Variants in AHCYL2 observed in about 807,000 individuals in gnomAD.
The protein encoded by AHCYL2 is adenosylhomocysteinase like 2, also known as S-adenosylhomocysteine hydrolase-like protein 2.
In AHCYL2, 28 loss-of-function variants were observed where a neutral mutation model predicts 81.4. That is an observed-to-expected ratio of 0.34 (90% CI 0.25 to 0.47). AHCYL2 has a LOEUF of 0.47. Ranked by LOEUF, AHCYL2 falls within the 20% of genes least tolerant of loss-of-function variation. AHCYL2 has a pLI of 1.00. For synonymous variants in AHCYL2, 272 were observed against 290.2 expected, an observed-to-expected ratio of 0.94 and a Z score of 0.64; for missense variants, 551 against 785.1, an observed-to-expected ratio of 0.70 and a Z score of 3.56.
intron 1 of AHCYL2, among the ~76,000 whole-genome samples, chr7:129,225,668 G>GTAGC (rs1794186709): frequency 6.6e-6 from 1 of 152,150 alleles, no homozygotes; most frequent in African/African-American, 2.4e-5. Flanking sequence ...TAACATGGAG[G>GTAGC]TAGCGCTCTC....
rs371388290 is a variant in AHCYL2 at position 129,401,411 on chromosome 7, G to A, written c.918+1027G>A. 2.6e-5 allele frequency among the ~76,000 whole-genome samples: 4 copies of A among 151,764 alleles called. No individual in the cohort carries two copies. In the East Asian group the frequency reaches 5.8e-4, roughly 22 times the overall value. ...CAAATAATTCTGCCCTCTCCCCTAGGGGGAGGGGGCAGAAATTAGGGAATG... is the reference window on the plus strand; with the variant it reads ...CAAATAATTCTGCCCTCTCCCCTAGAGGGAGGGGGCAGAAATTAGGGAATG... On this transcript the variant is annotated intron_variant, in intron 6 of 16. Coordinates refer to ENST00000325006, the MANE Select transcript of AHCYL2 (RefSeq NM_015328.4).
chr7:129,321,610 T>C (rs189202066), intron 1 of AHCYL2, among the ~76,000 whole-genome samples: 39 of 152,336 alleles, frequency 2.6e-4, no homozygotes, highest in Admixed American at 6.5e-4. Flanking sequence ...AACATTAGTC[T>C]GTGGTTTTCT....
At chr7:129,246,351 C>A (rs1011069324) in intron 1 of AHCYL2, among the ~76,000 whole-genome samples, 20 of 152,204 alleles carry the variant, frequency 1.3e-4, no homozygotes, top group African/African-American at 4.6e-4. Context: ...AGCCACCACA[C>A]CCTGCCAAGT....
intron 2 of AHCYL2, among the ~76,000 whole-genome samples, chr7:129,380,353 G>A (rs1250942237): frequency 1.3e-5 from 2 of 152,144 alleles, no homozygotes; most frequent in African/African-American, 4.8e-5. Context: ...TGAAGGCATC[G>A]GCTAGTATGC....
At position 129,405,145 on chromosome 7, in the gene AHCYL2, T is replaced by C. The variant is rs1229399364; in HGVS notation, c.1074T>C (p.Asn358=). The part of the protein sequence containing the change: ...KAGKLCVPAM[N]VNDSVTKQKF... Reference sequence around the variant, plus strand: ...GGAAGCTGTGTGTTCCAGCCATGAATGTCAATGACTCAGTCACCAAACAGA... The same window carrying C: ...GGAAGCTGTGTGTTCCAGCCATGAACGTCAATGACTCAGTCACCAAACAGA... Residue 358 remains asparagine (N), a synonymous_variant, in exon 8 of 17, where the codon AAT becomes AAC. Transcript: ENST00000325006. 1 of 1,605,888 alleles carries C rather than the reference T, an allele frequency of 6.2e-7. No homozygotes were observed. The highest frequency in any genetic ancestry group is 1.1e-5 in the South Asian group (1 of 90,256).
intron 1 of AHCYL2, among the ~76,000 whole-genome samples, chr7:129,293,630 C>G (rs992856406): frequency 4.6e-5 from 7 of 151,860 alleles, no homozygotes; most frequent in African/African-American, 9.7e-5. Context: ...TTGCCTCAAA[C>G]CCCTCCCCCT....
At chr7:129,310,385 G>A (rs1425251794) in intron 1 of AHCYL2, among the ~76,000 whole-genome samples, 1 of 152,132 alleles carries the variant, frequency 6.6e-6, no homozygotes, top group Non-Finnish European at 1.5e-5. Context: ...GGAATCACCA[G>A]GGAGTTTATA....
At chr7:129,324,996 A>G (rs1353591778) in intron 1 of AHCYL2, among the ~76,000 whole-genome samples, 1 of 152,196 alleles carries the variant, frequency 6.6e-6, no homozygotes, top group Non-Finnish European at 1.5e-5. Flanking sequence ...TCACATTATT[A>G]TTGTCATACA....
intron 3 of AHCYL2, 68 bp downstream of exon 3, chr7:129,389,267 T>TA: frequency 6.3e-7 from 1 of 1,585,818 alleles, no homozygotes; most frequent in Non-Finnish European, 8.6e-7. Context: ...AATCCCTTTT[T>TA]ATGTCTGGGG....
chr7:129,290,753 A>AC (rs1185623696), intron 1 of AHCYL2, among the ~76,000 whole-genome samples: 6 of 151,576 alleles, frequency 4.0e-5, no homozygotes, highest in Admixed American at 6.6e-5. Flanking sequence ...AGATGGTGAA[A>AC]CCCCATCTCT....
Position 129,406,567 on chromosome 7 carries a change from G to A in AHCYL2, c.1295+101G>A. 6 of 1,099,722 alleles carry A rather than the reference G, an allele frequency of 5.5e-6. No individual in the cohort carries two copies. The highest frequency in any genetic ancestry group is 8.3e-6 in the Non-Finnish European group (6 of 719,316). 68.1% of individuals were successfully genotyped at this position (1,099,722 alleles called of 1,614,324 possible). A position where few individuals can be genotyped will look rare whatever the true frequency, so the allele number is the denominator to read the frequency against. On this transcript the variant is annotated intron_variant, in intron 10 of 16. Transcript: ENST00000325006. This position sits in a 1 kb window ranked among gnomAD's most constrained non-coding sequence, Gnocchi z 4.3. ...TATTTTAGAGGAGCCCAGATCCTCA[G>A]AGATGCTGCCACTAACTCTAAGCAT...
intron 1 of AHCYL2, chr7:129,375,907 A>G (rs1794662156): frequency 2.6e-6 from 4 of 1,536,000 alleles, no homozygotes. Flanking sequence ...GTTAATGGCA[A>G]CTCTGGGATT....
chr7:129,244,099 A>T (rs1347031660), intron 1 of AHCYL2, among the ~76,000 whole-genome samples: 1 of 151,092 alleles, frequency 6.6e-6, no homozygotes, highest in Admixed American at 6.6e-5. Flanking sequence ...CCTGGACTCA[A>T]GTGATTCTTC....
chr7:129,311,584 C>T (rs190040720), intron 1 of AHCYL2, among the ~76,000 whole-genome samples: 19 of 152,054 alleles, frequency 1.2e-4, no homozygotes, highest in East Asian at 9.7e-4. Flanking sequence ...CCCCCCACCG[C>T]GCCAGCAACT....
chr7:129,305,079 G>A (rs1487149871), intron 1 of AHCYL2, among the ~76,000 whole-genome samples: 1 of 151,778 alleles, frequency 6.6e-6, no homozygotes, highest in African/African-American at 2.4e-5. Flanking sequence ...TGGTTACCAT[G>A]AAGTTTGCAA....
intron 1 of AHCYL2, among the ~76,000 whole-genome samples, chr7:129,356,407 C>G (rs1422483878): frequency 6.6e-6 from 1 of 152,186 alleles, no homozygotes; most frequent in African/African-American, 2.4e-5. Context: ...CCTCAATTCT[C>G]CTACAGCCTT....
At chr7:129,409,428 C>A in intron 10 of AHCYL2, 48 bp from the exon 11 acceptor site, 1 of 1,497,020 alleles carries the variant, frequency 6.7e-7, no homozygotes, top group Admixed American at 1.7e-5. Flanking sequence ...TGTTAAAAGG[C>A]TCCCCAGCTG....
intron 2 of AHCYL2, chr7:129,388,075 TCA>T (rs958042504): frequency 1.3e-5 from 2 of 152,240 alleles, no homozygotes; most frequent in Non-Finnish European, 2.9e-5. Context: ...CTCTGAGCTT[TCA>T]CAGTTTTCTA....
chr7:129,378,672 T>G (rs1794807320), intron 1 of AHCYL2, among the ~76,000 whole-genome samples: 1 of 152,234 alleles, frequency 6.6e-6, no homozygotes, highest in African/African-American at 2.4e-5. Flanking sequence ...ATTAAATCAT[T>G]ACCATTTCCT....
Sources: allele counts gnomAD v4.1 joint callset (sites outside exome capture counted in the v4.1 genomes callset), GRCh38; gene constraint gnomAD v4.1.1; non-coding constraint Gnocchi (gnomAD v3.1); transcripts MANE v1.5; gene names NCBI Gene and HGNC (gene_info 2026-07-23, HGNC 2026-07-21).